Variants in COL23A1 observed in about 807,000 individuals in gnomAD.
The protein encoded by COL23A1 is collagen alpha-1(XXIII) chain.
A neutral mutation model predicts 99.3 loss-of-function variants in COL23A1; 97 were observed. The ratio of observed to expected loss-of-function variants is 0.98; its 90% CI spans 0.83 to 1.16. The LOEUF (loss-of-function observed/expected upper bound fraction) is 1.16, where lower values mean the gene tolerates loss of function less well. Among genes scored for constraint, COL23A1 ranks in the 50% most tolerant of loss-of-function variants. The pLI is 0.00. For missense variants in COL23A1, 762 were observed against 757.4 expected, an observed-to-expected ratio of 1.01 and a Z score of -0.07; for synonymous variants, 320 against 308.2, an observed-to-expected ratio of 1.04 and a Z score of -0.40.
chr5:178,358,816 T>A (rs1762023018), intron 2 of COL23A1, among the ~76,000 whole-genome samples: 1 of 152,130 alleles, frequency 6.6e-6, no homozygotes, highest in Non-Finnish European at 1.5e-5. Context: ...GTGTGATTTG[T>A]ATATAAGCCC....
intron 2 of COL23A1, among the ~76,000 whole-genome samples, chr5:178,344,358 C>G (rs533056742): frequency 6.6e-6 from 1 of 152,100 alleles, no homozygotes; most frequent in Admixed American, 6.5e-5. Context: ...GGTCTGTGGC[C>G]GGGCGTGGTG....
chr5:178,325,638 G>T (rs926492786), intron 2 of COL23A1, among the ~76,000 whole-genome samples: 1 of 152,206 alleles, frequency 6.6e-6, no homozygotes, highest in Non-Finnish European at 1.5e-5. Context: ...GGAGCCGTCT[G>T]CCCATCAGTC....
At chr5:178,476,535 T>C (rs1295320138) in intron 2 of COL23A1, among the ~76,000 whole-genome samples, 2 of 152,204 alleles carry the variant, frequency 1.3e-5, no homozygotes, top group Non-Finnish European at 2.9e-5. Flanking sequence ...TACCGCATCA[T>C]ATCCACGGAC....
chr5:178,492,511 T>C (rs1757984875), intron 2 of COL23A1, among the ~76,000 whole-genome samples: 2 of 152,112 alleles, frequency 1.3e-5, no homozygotes, highest in African/African-American at 4.8e-5. Context: ...AGACAATACA[T>C]TTCTGCTGTT....
intron 2 of COL23A1, among the ~76,000 whole-genome samples, chr5:178,551,447 G>A (rs1057180802): frequency 2.0e-5 from 3 of 151,840 alleles, no homozygotes; most frequent in Non-Finnish European, 2.9e-5. Flanking sequence ...GGTTCTTAAG[G>A]TCCACTGCCC....
rs538949197 is a variant in COL23A1, at chr5:178,468,495, C to T, written c.361+92187G>A. Reference sequence around the variant, plus strand: ...CCTGCAGGGCACGAGATGATTATTTCGTTTCATCCTCACCCTGCCTCCCTC... The same window carrying T: ...CCTGCAGGGCACGAGATGATTATTTTGTTTCATCCTCACCCTGCCTCCCTC... On this transcript the variant is annotated intron_variant, in intron 2 of 28. Coordinates refer to ENST00000390654, the MANE Select transcript of COL23A1 (RefSeq NM_173465.4). This position sits in a 1 kb window ranked among gnomAD's most constrained non-coding sequence, Gnocchi z 4.2. Among the ~76,000 whole-genome samples the T allele has an allele frequency of 7.9e-5, 12 of 152,272 alleles. No homozygotes were observed. The East Asian group carries it at 1.9e-3, about 25-fold the overall frequency.
At chr5:178,305,008 C>A (rs1758274154) in intron 3 of COL23A1, among the ~76,000 whole-genome samples, 1 of 152,152 alleles carries the variant, frequency 6.6e-6, no homozygotes, top group African/African-American at 2.4e-5. Flanking sequence ...TAATATCATA[C>A]TTTGTCCTAA....
At chr5:178,552,803 T>TC (rs1471759393) in intron 2 of COL23A1, among the ~76,000 whole-genome samples, 2 of 150,430 alleles carry the variant, frequency 1.3e-5, no homozygotes, top group East Asian at 4.1e-4. Flanking sequence ...AACCTCTACC[T>TC]CCCGGGTTCA....
intron 2 of COL23A1, among the ~76,000 whole-genome samples, chr5:178,420,387 C>T (rs1263217680): frequency 8.2e-6 from 1 of 122,232 alleles, no homozygotes; most frequent in African/African-American, 3.4e-5. Flanking sequence ...CCCCTCCCCC[C>T]TTTCCCCCTC....
intron 25 of COL23A1, among the ~76,000 whole-genome samples, chr5:178,243,115 G>A (rs1764495494): frequency 1.3e-5 from 2 of 152,018 alleles, no homozygotes; most frequent in East Asian, 1.9e-4. Flanking sequence ...GCCTGAACCT[G>A]AGAGGTGGAG....
intron 2 of COL23A1, among the ~76,000 whole-genome samples, chr5:178,408,975 TAC>T (rs61457266): frequency 0.19 from 19,697 of 101,298 alleles, 1,756 homozygotes; most frequent in South Asian, 0.3. Context: ...AAAAAAAAAA[TAC>T]ACACACACAC....
At chr5:178,259,113 G>A (rs1470038845) in intron 12 of COL23A1, among the ~76,000 whole-genome samples, 2 of 152,014 alleles carry the variant, frequency 1.3e-5, no homozygotes, top group Non-Finnish European at 2.9e-5. Flanking sequence ...GAGAGATGGG[G>A]TTTCATCATG....
intron 1 of COL23A1, among the ~76,000 whole-genome samples, chr5:178,576,641 G>A (rs1456870130): frequency 6.6e-6 from 1 of 152,168 alleles, no homozygotes; most frequent in Non-Finnish European, 1.5e-5. Flanking sequence ...GCGGGGACAG[G>A]CGCGGGGTCG....
intron 5 of COL23A1, among the ~76,000 whole-genome samples, chr5:178,277,336 G>A (rs751843793): frequency 2.6e-5 from 4 of 152,184 alleles, no homozygotes; most frequent in African/African-American, 7.2e-5. Flanking sequence ...ACTACACTCC[G>A]GCCTGGGTGA....
intron 2 of COL23A1, among the ~76,000 whole-genome samples, chr5:178,534,431 T>C (rs978214553): frequency 1.3e-5 from 2 of 152,140 alleles, no homozygotes; most frequent in Non-Finnish European, 2.9e-5. Flanking sequence ...GTCCATCACA[T>C]GTTGTAAGGG....
At position 178,502,352 on chromosome 5, in the gene COL23A1, C is replaced by T. The variant is rs565259816; in HGVS notation, c.361+58330G>A. On this transcript the variant is annotated intron_variant, in intron 2 of 28. Transcript: ENST00000390654. The stretch of plus-strand genomic sequence containing the variant: ...TTCACCATGTTAGCCAGGATGGTCT[C>T]GATCTTCTGACCTTGTGATCTGCCC... Among the ~76,000 whole-genome samples the T allele has an allele frequency of 2.0e-4, 30 of 152,284 alleles. No homozygotes were observed. In the East Asian group the frequency reaches 3.5e-3, roughly 18 times the overall value.
chr5:178,456,441 G>C (rs2127883965), intron 2 of COL23A1, among the ~76,000 whole-genome samples: 1 of 152,294 alleles, frequency 6.6e-6, no homozygotes, highest in Non-Finnish European at 1.5e-5. Flanking sequence ...GCTCACGCCT[G>C]TAATCCCAGC....
At chr5:178,374,500 A>G (rs965914482) in intron 2 of COL23A1, among the ~76,000 whole-genome samples, 2 of 152,186 alleles carry the variant, frequency 1.3e-5, no homozygotes, top group Non-Finnish European at 2.9e-5. Context: ...CTTGGGAACC[A>G]GACTGCCTGG....
intron 2 of COL23A1, among the ~76,000 whole-genome samples, chr5:178,514,090 C>A (rs1759370203): frequency 6.6e-6 from 1 of 152,130 alleles, no homozygotes; most frequent in Non-Finnish European, 1.5e-5. Context: ...GCCCCTGGCA[C>A]CCACCATTCC....
Sources: gnomAD v4.1 joint callset for allele counts (sites outside exome capture counted in the v4.1 genomes callset) on GRCh38, gnomAD v4.1.1 for gene constraint, Gnocchi (gnomAD v3.1) non-coding constraint, MANE v1.5 for transcripts, NCBI Gene and HGNC (gene_info 2026-07-23, HGNC 2026-07-21) for gene names.